UGT1A8: variants seen among roughly 807,000 people sequenced by gnomAD.
The protein encoded by UGT1A8 is UDP-glucuronosyltransferase 1A8.
A neutral mutation model predicts 45.3 loss-of-function variants in UGT1A8; 39 were observed. The ratio of observed to expected loss-of-function variants is 0.86; its 90% confidence interval spans 0.67 to 1.12. The LOEUF (loss-of-function observed/expected upper bound fraction) is 1.12, where lower values mean the gene tolerates loss of function less well. Ranked by LOEUF, UGT1A8 falls within the 50% of genes most tolerant of loss-of-function variation. The pLI, the probability that UGT1A8 is intolerant of heterozygous loss-of-function variation, is 0.00. For synonymous variants in UGT1A8, 275 were observed against 249.2 expected (o/e 1.10, Z -0.97); for missense variants, 719 against 664.9 (o/e 1.08, Z -0.90).
chr2:233,654,431 T>C (rs2073809835), intron 1 of UGT1A8, among the ~76,000 whole-genome samples: 1 of 152,214 alleles, frequency 6.6e-6, no homozygotes, highest in South Asian at 2.1e-4. Flanking sequence ...TAATCGTAGA[T>C]ATATCTCTGT....
intron 1 of UGT1A8, chr2:233,747,294 G>A (rs1361092863): frequency 6.2e-7 from 1 of 1,601,846 alleles, no homozygotes; most frequent in African/African-American, 1.3e-5. Flanking sequence ...CCTGGGCTGA[G>A]AGTGGGAAGG....
At chr2:233,757,535 A>AAT (rs67292694) in intron 1 of UGT1A8, among the ~76,000 whole-genome samples, 7,470 of 88,184 alleles carry the variant, frequency 0.085, 593 homozygotes, top group East Asian at 0.11. Context: ...GCCTGTAAGG[A>AAT]ATATATATAT....
chr2:233,673,536 A>C (rs1559335189), intron 1 of UGT1A8, among the ~76,000 whole-genome samples: 1 of 152,134 alleles, frequency 6.6e-6, no homozygotes, highest in African/African-American at 2.4e-5. Flanking sequence ...ATTTCCATGA[A>C]TTGAGAAGGA....
At position 233,772,461 on chromosome 2, in the gene UGT1A8, G is replaced by A. The variant is rs764439291; in HGVS notation, c.1495G>A (p.Val499Met). The change falls in exon 5 of 5, where the codon GTG becomes ATG. Residue 499 changes from valine (V) to methionine (M), a missense_variant. Coordinates refer to ENST00000373450, the MANE Select transcript of UGT1A8 (RefSeq NM_019076.5). ...IGFLLAVVLT[V>M]AFITFKCCAY... is the part of the protein sequence containing the mutation. ...TTTCCTCTTGGCCGTCGTGCTGACAGTGGCCTTCATCACCTTTAAATGTTG... is the reference window on the plus strand; with the variant it reads ...TTTCCTCTTGGCCGTCGTGCTGACAATGGCCTTCATCACCTTTAAATGTTG... 6.2e-7 allele frequency: 1 copy of A among 1,614,184 alleles called. No homozygotes were observed. Among genetic ancestry groups the A allele is most frequent in the Non-Finnish European group, 8.5e-7 (1 of 1,180,040 alleles).
chr2:233,756,501 T>C (rs1696241019), intron 1 of UGT1A8: 1 of 152,186 alleles, frequency 6.6e-6, no homozygotes, highest in Non-Finnish European at 1.5e-5. Flanking sequence ...CCCAAGTATA[T>C]GGAGGGTCAA....
chr2:233,712,379 T>C (rs1343800513), intron 1 of UGT1A8, among the ~76,000 whole-genome samples: 12 of 152,190 alleles, frequency 7.9e-5, no homozygotes, highest in African/African-American at 2.9e-4. Flanking sequence ...TTTTTTATAT[T>C]GACAGCCACT....
chr2:233,639,358 C>G (rs554501283), intron 1 of UGT1A8, among the ~76,000 whole-genome samples: 47 of 152,276 alleles, frequency 3.1e-4, no homozygotes, highest in African/African-American at 9.4e-4. Flanking sequence ...AATTCGATCT[C>G]AAAGAGGGCT....
intron 1 of UGT1A8, chr2:233,754,805 A>G (rs755961500): frequency 2.3e-6 from 3 of 1,294,912 alleles, no homozygotes; most frequent in South Asian, 2.4e-5. Context: ...TATCAAAAGA[A>G]GAAAAACCAC....
intron 1 of UGT1A8, chr2:233,637,102 C>T (rs1379149606): frequency 1.9e-6 from 3 of 1,613,954 alleles, no homozygotes; most frequent in South Asian, 1.1e-5. Flanking sequence ...CCCCAATGAT[C>T]TCTTAGGGTT....
At chr2:233,687,528 A>G (rs2074843359) in intron 1 of UGT1A8, among the ~76,000 whole-genome samples, 1 of 150,340 alleles carries the variant, frequency 6.7e-6, no homozygotes, top group African/African-American at 2.5e-5. Context: ...TGACTTGCCC[A>G]AGGTTATGCC....
At chr2:233,719,673 A>T (rs770674662) in intron 1 of UGT1A8, 1 of 1,614,074 alleles carries the variant, frequency 6.2e-7, no homozygotes, top group Admixed American at 1.7e-5. Context: ...TGCCAACGGG[A>T]AGCCACTATC....
chr2:233,700,404 A>C (rs1297317777), intron 1 of UGT1A8, among the ~76,000 whole-genome samples: 1 of 152,178 alleles, frequency 6.6e-6, no homozygotes, highest in African/African-American at 2.4e-5. Context: ...TTTTGGCAGC[A>C]GTGTTTCTGT....
At chr2:233,655,450 G>A (rs936423486) in intron 1 of UGT1A8, among the ~76,000 whole-genome samples, 1 of 152,180 alleles carries the variant, frequency 6.6e-6, no homozygotes, top group Non-Finnish European at 1.5e-5. Flanking sequence ...AGCAGATTCA[G>A]AAGGGGCACG....
At chr2:233,630,823 T>C (rs1186968236) in intron 1 of UGT1A8, among the ~76,000 whole-genome samples, 2 of 151,828 alleles carry the variant, frequency 1.3e-5, no homozygotes, top group East Asian at 3.9e-4. Context: ...TTTTTTTTTT[T>C]CCTGCTCTAA....
Position 233,706,374 on chromosome 2 carries a change from CAAA to C in UGT1A8, c.856-60658_856-60656del, listed in dbSNP as rs1263294962. ...CATTCTTCCAATTTAGGCCATTGTA[CAAA>C]AGCAGAGGCCAAGTACATTTACCAC... On this transcript the variant is annotated intron_variant, in intron 1 of 4. Transcript: ENST00000373450. Among the ~76,000 whole-genome samples the C allele has an allele frequency of 2.6e-5, 4 of 152,296 alleles. No individual in the cohort carries two copies. In the East Asian group the frequency reaches 7.7e-4, roughly 29 times the overall value.
chr2:233,746,646 C>A (rs1278819744), intron 1 of UGT1A8, among the ~76,000 whole-genome samples: 2 of 151,736 alleles, frequency 1.3e-5, no homozygotes, highest in East Asian at 3.9e-4. Flanking sequence ...TCTAACTTGG[C>A]TTTCTGTCCC....
chr2:233,641,204 G>T (rs2073443272), intron 1 of UGT1A8, among the ~76,000 whole-genome samples: 1 of 152,070 alleles, frequency 6.6e-6, no homozygotes, highest in South Asian at 2.1e-4. Context: ...TAATAAATCT[G>T]CCTTTCTTTA....
chr2:233,652,425 T>C (rs1355642673), intron 1 of UGT1A8, among the ~76,000 whole-genome samples: 1 of 152,212 alleles, frequency 6.6e-6, no homozygotes, highest in Non-Finnish European at 1.5e-5. Context: ...ATTTTGGCTA[T>C]AATTTTTTAA....
chr2:233,709,836 C>T (rs1010563430), intron 1 of UGT1A8, among the ~76,000 whole-genome samples: 5 of 152,188 alleles, frequency 3.3e-5, no homozygotes, highest in African/African-American at 9.7e-5. Context: ...GCTGTGCAGC[C>T]ATCACCACAT....
Sources: allele counts gnomAD v4.1 joint callset (sites outside exome capture counted in the v4.1 genomes callset), GRCh38; gene constraint gnomAD v4.1.1; transcripts MANE v1.5; gene names NCBI Gene and HGNC (gene_info 2026-07-23, HGNC 2026-07-21).